Variants in ARRB1 observed in about 807,000 individuals in gnomAD.
ARRB1 encodes arrestin beta 1.
A neutral mutation model predicts 56.8 loss-of-function variants in ARRB1; 21 were observed. The ratio of observed to expected loss-of-function variants is 0.37; its 90% CI spans 0.26 to 0.53. The LOEUF (loss-of-function observed/expected upper bound fraction) is 0.53. Ranked by LOEUF, ARRB1 falls within the 20% of genes least tolerant of loss-of-function variation. ARRB1 has a pLI of 0.88. For synonymous variants in ARRB1, 210 were observed against 218.6 expected (o/e 0.96, Z 0.35); for missense variants, 424 against 553.7 (o/e 0.77, Z 2.35).
At chr11:75,294,320 G>C (rs1219197446) in intron 1 of ARRB1, among the ~76,000 whole-genome samples, 1 of 152,060 alleles carries the variant, frequency 6.6e-6, no homozygotes, top group Non-Finnish European at 1.5e-5. Flanking sequence ...TGTAATCCCA[G>C]CCGAGGTGGG....
At chr11:75,311,678 A>G (rs1328199612) in intron 1 of ARRB1, among the ~76,000 whole-genome samples, 3 of 152,190 alleles carry the variant, frequency 2.0e-5, no homozygotes, top group African/African-American at 7.2e-5. Flanking sequence ...CAGGCAAACA[A>G]AAAAAGTAAG....
chr11:75,275,930 G>C (rs1281361651), intron 10 of ARRB1, among the ~76,000 whole-genome samples: 2 of 152,176 alleles, frequency 1.3e-5, no homozygotes, highest in South Asian at 4.1e-4. Flanking sequence ...TCTGGTTCTA[G>C]ATCACTTCAC....
intron 4 of ARRB1, 116 bp downstream of exon 4, chr11:75,284,119 T>G (rs1591916154): frequency 2.8e-6 from 3 of 1,058,086 alleles, no homozygotes; most frequent in Non-Finnish European, 4.0e-6. Flanking sequence ...TCTGTAGAGG[T>G]ATTTGTTGGG....
At chr11:75,273,483 G>A (rs1946117762) in intron 11 of ARRB1, among the ~76,000 whole-genome samples, 1 of 152,212 alleles carries the variant, frequency 6.6e-6, no homozygotes, top group Non-Finnish European at 1.5e-5. Context: ...GTGGGAGGCT[G>A]TGCAGGGGCT....
At chr11:75,273,950 G>A in intron 11 of ARRB1, 124 bp downstream of exon 11, 1 of 1,451,044 alleles carries the variant, frequency 6.9e-7, no homozygotes, top group Non-Finnish European at 9.5e-7. Flanking sequence ...CCTGAGGACA[G>A]GCCCTGACAA....
chr11:75,322,462 T>A (rs1444892174), intron 1 of ARRB1, among the ~76,000 whole-genome samples: 1 of 152,042 alleles, frequency 6.6e-6, no homozygotes, highest in African/African-American at 2.4e-5. Flanking sequence ...GCCAAGATCA[T>A]GCCACTGCAC....
intron 13 of ARRB1, chr11:75,269,320 C>A: frequency 2.4e-6 from 1 of 422,680 alleles, no homozygotes; most frequent in Non-Finnish European, 4.6e-6. Flanking sequence ...CTCAAATCGC[C>A]ACAGCCACCC....
At chr11:75,269,550 C>T (rs554546189) in intron 13 of ARRB1, among the ~76,000 whole-genome samples, 29 of 152,358 alleles carry the variant, frequency 1.9e-4, no homozygotes, top group African/African-American at 6.5e-4. Flanking sequence ...CAGGGGAAAG[C>T]GGCCGGGAAG....
At chr11:75,283,261 G>A (rs571859307) in intron 5 of ARRB1, 26 bp downstream of exon 5, 1 of 1,567,898 alleles carries the variant, frequency 6.4e-7, no homozygotes, top group African/African-American at 1.4e-5. Flanking sequence ...TTCTGGAATG[G>A]GGCCCCAGGG....
intron 1 of ARRB1, among the ~76,000 whole-genome samples, chr11:75,304,067 G>A (rs868465834): frequency 1.3e-5 from 2 of 152,086 alleles, no homozygotes; most frequent in East Asian, 1.9e-4. Flanking sequence ...CAGTCTTGGC[G>A]GGAACCCATT....
intron 1 of ARRB1, among the ~76,000 whole-genome samples, chr11:75,348,104 C>T (rs976608423): frequency 1.3e-5 from 2 of 152,128 alleles, no homozygotes; most frequent in Non-Finnish European, 2.9e-5. Flanking sequence ...AGAAAATGCT[C>T]TCTCCTTAGC....
At chr11:75,283,549 G>C (rs562028496) in intron 4 of ARRB1, 66 bp from the exon 5 acceptor site, 2 of 1,467,718 alleles carry the variant, frequency 1.4e-6, no homozygotes, top group Admixed American at 4.5e-5. Context: ...CCAGAGTGCC[G>C]GCAGCAGCCC....
intron 2 of ARRB1, among the ~76,000 whole-genome samples, chr11:75,289,766 C>T (rs910243206): frequency 6.6e-6 from 1 of 152,188 alleles, no homozygotes; most frequent in African/African-American, 2.4e-5. Context: ...GGCCGTCTCT[C>T]CCTACACCAG....
chr11:75,305,027 T>TC (rs1946994891), intron 1 of ARRB1, among the ~76,000 whole-genome samples: 1 of 139,156 alleles, frequency 7.2e-6, no homozygotes, highest in Non-Finnish European at 1.6e-5. Flanking sequence ...TCTTTTTTTT[T>TC]TTTTTTTTTT....
At chr11:75,291,335 A>AAAAC (rs921947703) in intron 1 of ARRB1, among the ~76,000 whole-genome samples, 2 of 152,216 alleles carry the variant, frequency 1.3e-5, no homozygotes, top group Non-Finnish European at 2.9e-5. Context: ...CTCAGTCTCA[A>AAAAC]AAACAAACAA....
intron 1 of ARRB1, among the ~76,000 whole-genome samples, chr11:75,301,021 G>A (rs1286091268): frequency 1.3e-5 from 2 of 151,134 alleles, no homozygotes; most frequent in Non-Finnish European, 2.9e-5. Flanking sequence ...GTGGGCGCCT[G>A]TAGTCCCAGC....
At chr11:75,271,546 G>T in intron 13 of ARRB1, 155 bp downstream of exon 13, 1 of 779,902 alleles carries the variant, frequency 1.3e-6, no homozygotes. Context: ...TTGTTAAGGA[G>T]AAATTGTGTC....
At position 75,290,026 on chromosome 11, in the gene ARRB1, CCTT is replaced by C; in HGVS notation, c.31_33del (p.Lys11del). 6.2e-7 allele frequency: 1 copy of C among 1,614,236 alleles called. No individual in the cohort carries two copies. Among genetic ancestry groups the C allele is most frequent in the Non-Finnish European group, 8.5e-7 (1 of 1,180,046 alleles). ...AGACTCACCTTTCCATTTGGACTGGCCTTCTTGAACACTCTGTGGAGAGAAAGA... is the reference window on the plus strand; with the variant it reads ...AGACTCACCTTTCCATTTGGACTGGCCTTGAACACTCTGTGGAGAGAAAGA... On this transcript the variant is annotated inframe_deletion, in exon 2 of 16. Transcript: ENST00000420843.
At chr11:75,346,443 C>T (rs1375919022) in intron 1 of ARRB1, among the ~76,000 whole-genome samples, 2 of 152,132 alleles carry the variant, frequency 1.3e-5, no homozygotes, top group Non-Finnish European at 2.9e-5. Context: ...CCAGTCTTCA[C>T]TGCCTGCCGC....
Sources: allele counts gnomAD v4.1 joint callset (sites outside exome capture counted in the v4.1 genomes callset), GRCh38; gene constraint gnomAD v4.1.1; transcripts MANE v1.5; gene names NCBI Gene and HGNC (gene_info 2026-07-23, HGNC 2026-07-21).